SSH2: variants seen among roughly 807,000 people sequenced by gnomAD.
SSH2 encodes protein phosphatase Slingshot homolog 2.
A neutral mutation model predicts 135.2 loss-of-function variants in SSH2; 37 were observed. The ratio of observed to expected loss-of-function variants is 0.27; its 90% CI spans 0.21 to 0.36. The LOEUF (loss-of-function observed/expected upper bound fraction) is 0.36, where lower values mean the gene tolerates loss of function less well. Ranked by LOEUF, SSH2 falls within the 10% of genes least tolerant of loss-of-function variation. The probability of loss-of-function intolerance (pLI) is 1.00; values close to 1 mark genes in which losing one functional copy is unlikely to be tolerated. For missense variants in SSH2, 1,408 were observed against 1,765.3 expected, an observed-to-expected ratio of 0.80 and a Z score of 3.63; for synonymous variants, 628 against 646.2, an observed-to-expected ratio of 0.97 and a Z score of 0.43.
rs1024078432 is a variant in SSH2, at chr17:29,632,991, A to G, written c.2263-60T>C. 9 of 1,446,946 alleles carry G rather than the reference A, an allele frequency of 6.2e-6. No individual in the cohort carries two copies. In the African/African-American group the frequency reaches 1.3e-4, roughly 21 times the overall value. The allele number at this position is 1,446,946 out of a possible 1,614,324, so 89.6% of individuals were successfully genotyped here. A position where few individuals can be genotyped will look rare whatever the true frequency, so the allele number is the denominator to read the frequency against. Reference sequence around the variant, plus strand: ...ACTGTAGTCTAATTGAAAATGCTGGATTTTCTGCTTATTAATCCTCTGATC... The same window carrying G: ...ACTGTAGTCTAATTGAAAATGCTGGGTTTTCTGCTTATTAATCCTCTGATC... On this transcript the variant is annotated intron_variant, in intron 15 of 15. Transcript: ENST00000540801.
At position 29,630,972 on chromosome 17, in the gene SSH2, G is replaced by A; in HGVS notation, c.4222C>T (p.Gln1408Ter). The A allele has an allele frequency of 6.2e-7, 1 of 1,613,606 alleles. No individual in the cohort carries two copies. The highest frequency in any genetic ancestry group is 1.3e-5 in the African/African-American group (1 of 75,038). Residue 1408 changes from glutamine (Q) to a stop codon, truncating the protein, a stop_gained, in exon 16 of 16, where the codon CAG becomes TAG. Transcript: ENST00000540801. LOFTEE classifies it high-confidence loss of function. ...GLPVLQTQGLQCACPAPGLAV... is the reference protein window; with the variant it reads ...GLPVLQTQGL ...AGCCCTGGAGCTGGGCATGCACACT[G>A]CAGTCCCTGGGTCTGTAGCACGGGA...
At chr17:29,889,828 A>G (rs35976131) in intron 1 of SSH2, among the ~76,000 whole-genome samples, 2 of 147,276 alleles carry the variant, frequency 1.4e-5, no homozygotes, top group Non-Finnish European at 3.0e-5. Flanking sequence ...AAAAAAAAAA[A>G]CCAGCCAGGT....
intron 2 of SSH2, among the ~76,000 whole-genome samples, chr17:29,827,569 A>G (rs114440209): frequency 9.5e-4 from 145 of 152,354 alleles, no homozygotes; most frequent in African/African-American, 3.4e-3. Context: ...GTCAACAGCA[A>G]TAAAAATAAA....
chr17:29,924,906 AAG>A (rs943604425), intron 1 of SSH2, among the ~76,000 whole-genome samples: 5 of 152,290 alleles, frequency 3.3e-5, no homozygotes, highest in African/African-American at 1.2e-4. Context: ...ATGATCTCCA[AAG>A]AGAGTGTGAG....
chr17:29,819,283 A>G (rs964763946), intron 2 of SSH2, among the ~76,000 whole-genome samples: 4 of 152,198 alleles, frequency 2.6e-5, no homozygotes, highest in Admixed American at 1.3e-4. Flanking sequence ...TGGGGTCAGT[A>G]AACACTTTCC....
chr17:29,767,518 A>T (rs987868455), intron 3 of SSH2, among the ~76,000 whole-genome samples: 2 of 151,740 alleles, frequency 1.3e-5, no homozygotes, highest in African/African-American at 4.8e-5. Context: ...TCTCATTCTC[A>T]TCATCTTACT....
At chr17:29,791,749 T>C (rs989292372) in intron 3 of SSH2, among the ~76,000 whole-genome samples, 1 of 152,182 alleles carries the variant, frequency 6.6e-6, no homozygotes, top group Non-Finnish European at 1.5e-5. Flanking sequence ...TTATAACAGA[T>C]TAGCAAATTT....
intron 6 of SSH2, among the ~76,000 whole-genome samples, chr17:29,683,697 T>C (rs2038082833): frequency 6.7e-6 from 1 of 148,736 alleles, no homozygotes; most frequent in African/African-American, 2.5e-5. Context: ...GAAGCCGAAG[T>C]GGGAGGATTG....
intron 3 of SSH2, among the ~76,000 whole-genome samples, chr17:29,792,700 G>C (rs1393637300): frequency 1.3e-5 from 2 of 152,128 alleles, no homozygotes; most frequent in South Asian, 4.2e-4. Context: ...TTTTTGAGAC[G>C]GAGTCTCGCT....
At chr17:29,667,582 G>T (rs2037332184) in intron 9 of SSH2, among the ~76,000 whole-genome samples, 1 of 152,168 alleles carries the variant, frequency 6.6e-6, no homozygotes, top group South Asian at 2.1e-4. Context: ...AACGCCTGAT[G>T]ATCTGAGGTG....
At chr17:29,690,404 CA>C (rs1272605484) in intron 5 of SSH2, among the ~76,000 whole-genome samples, 9,702 of 90,224 alleles carry the variant, frequency 0.11, 587 homozygotes, top group African/African-American at 0.24. Flanking sequence ...AACTCTGTCT[CA>C]AAAAAAAAAA....
In SSH2 at chr17:29,631,988, C is replaced by G. The variant is rs2150960917; in HGVS notation, c.3206G>C (p.Arg1069Thr). Residue 1069 changes from arginine to threonine, a missense_variant, in exon 16 of 16, where the codon AGG (arginine) becomes ACG (threonine). Physicochemically the swap from Arg to Thr is moderately conservative, Grantham distance 71. Coordinates refer to ENST00000540801, the MANE Select transcript of SSH2 (RefSeq NM_001282129.2). ...TSEKSGEQGL[R>T]KVNMEKSVTV... ...GACAGATTTTTCCATGTTCACTTTC[C>G]TCAGCCCTTGCTCTCCGCTCTTCTC... 6.2e-7 allele frequency: 1 copy of G among 1,614,228 alleles called. No individual in the cohort carries two copies. The highest frequency in any genetic ancestry group is 2.2e-5 in the East Asian group (1 of 44,886).
intron 2 of SSH2, among the ~76,000 whole-genome samples, chr17:29,805,285 A>G (rs1373262102): frequency 6.6e-6 from 1 of 151,778 alleles, no homozygotes; most frequent in Non-Finnish European, 1.5e-5. Context: ...CCTCCCGAGT[A>G]TTTGGGACAA....
chr17:29,711,324 G>A (rs564609220), intron 3 of SSH2, among the ~76,000 whole-genome samples: 2 of 152,284 alleles, frequency 1.3e-5, no homozygotes, highest in Admixed American at 6.5e-5. Flanking sequence ...CAATCTGGAC[G>A]AAACTTCCTG....
chr17:29,776,108 C>T (rs1462037230), intron 3 of SSH2: 1 of 152,278 alleles, frequency 6.6e-6, no homozygotes, highest in Non-Finnish European at 1.5e-5. Flanking sequence ...CCAGCGACTC[C>T]TCAGGGTTGG....
At chr17:29,925,563 G>C in intron 1 of SSH2, 1 of 397,954 alleles carries the variant, frequency 2.5e-6, no homozygotes, top group Non-Finnish European at 4.4e-6. Context: ...TCTCTACAAA[G>C]AAAAAAAATT....
chr17:29,669,974 T>C (rs543467661), intron 9 of SSH2, among the ~76,000 whole-genome samples: 6 of 150,750 alleles, frequency 4.0e-5, no homozygotes, highest in South Asian at 2.1e-4. Context: ...CTCCACCTCT[T>C]GGATTCAAGT....
intron 1 of SSH2, among the ~76,000 whole-genome samples, chr17:29,888,342 T>C (rs1225177448): frequency 6.6e-6 from 1 of 152,134 alleles, no homozygotes; most frequent in Non-Finnish European, 1.5e-5. Context: ...AATCACGAAG[T>C]CTAAGACTGA....
intron 5 of SSH2, among the ~76,000 whole-genome samples, chr17:29,687,632 T>A (rs2038280504): frequency 6.6e-6 from 1 of 152,216 alleles, no homozygotes; most frequent in African/African-American, 2.4e-5. Context: ...CTACAACATG[T>A]TAATTAATCA....
Sources: allele counts gnomAD v4.1 joint callset (sites outside exome capture counted in the v4.1 genomes callset), GRCh38; gene constraint gnomAD v4.1.1; transcripts MANE v1.5; gene names NCBI Gene and HGNC (gene_info 2026-07-23, HGNC 2026-07-21).